Variants in WAC observed in about 807,000 individuals in gnomAD.
WAC encodes the protein WW domain containing adaptor with coiled-coil, also known as WW domain-containing adapter protein with coiled-coil.
A neutral mutation model predicts 79.6 loss-of-function variants in WAC; 11 were observed. The observed-to-expected ratio is 0.14, with a 90% CI of 0.09 to 0.23. The LOEUF (loss-of-function observed/expected upper bound fraction) is 0.23, where lower values mean the gene tolerates loss of function less well. Among genes scored for constraint, WAC ranks in the 10% least tolerant of loss-of-function variants. The probability of loss-of-function intolerance (pLI) is 1.00; values close to 1 mark genes in which losing one functional copy is unlikely to be tolerated. For synonymous variants in WAC, 304 were observed against 276.9 expected (o/e 1.10, Z -0.97); for missense variants, 728 against 773.5 (o/e 0.94, Z 0.70).
In WAC at chr10:28,533,825, C is replaced by G. The variant is rs1000713421; in HGVS notation, c.42-173C>G. ...GGGGCCCGGCTTCGCGGCATTTCGC[C>G]CTCTCCGGCCCTTCCGGAGGCTCCG... On this transcript the variant is annotated intron_variant, in intron 1 of 13. Coordinates refer to ENST00000354911, the MANE Select transcript of WAC (RefSeq NM_016628.5). The G allele has an allele frequency of 6.0e-6, 6 of 998,396 alleles. No individual in the cohort carries two copies. In the East Asian group the frequency reaches 1.8e-4, roughly 29 times the overall value. 61.8% of individuals were successfully genotyped at this position (998,396 alleles called of 1,614,324 possible). A position where few individuals can be genotyped will look rare whatever the true frequency, so the allele number is the denominator to read the frequency against.
intron 3 of WAC, among the ~76,000 whole-genome samples, chr10:28,544,812 C>G (rs1217762566): frequency 6.6e-6 from 1 of 152,010 alleles, no homozygotes; most frequent in South Asian, 2.1e-4. Flanking sequence ...GCCTGTAATG[C>G]CAGCACTTTG....
At chr10:28,612,540 AG>A (rs1237004839) in intron 10 of WAC, among the ~76,000 whole-genome samples, 7 of 152,218 alleles carry the variant, frequency 4.6e-5, no homozygotes, top group Non-Finnish European at 2.9e-5. Flanking sequence ...TGGTAAATGT[AG>A]GGGGAATTTC....
In WAC at chr10:28,535,427, G is replaced by A. The variant is rs541613687; in HGVS notation, c.79-135G>A. ...TGTCTGAGAAACTTTAAAGAGTAAA[G>A]CAGAATTGAAAGTGGAAATTTTAAT... is the stretch of plus-strand genomic sequence containing the variant. On this transcript the variant is annotated intron_variant, in intron 2 of 13. Transcript: ENST00000354911. 2.0e-4 allele frequency: 206 copies of A among 1,038,818 alleles called. No homozygotes were observed. In the Middle Eastern group the frequency reaches 5.7e-3, roughly 29 times the overall value. 64.4% of individuals were successfully genotyped at this position (1,038,818 alleles called of 1,614,324 possible).
chr10:28,590,237 A>G (rs182178059), intron 5 of WAC, among the ~76,000 whole-genome samples: 1 of 150,312 alleles, frequency 6.7e-6, no homozygotes, highest in African/African-American at 2.4e-5. Flanking sequence ...GCTTGAGCCT[A>G]AGAGGCCAAA....
intron 3 of WAC, among the ~76,000 whole-genome samples, chr10:28,565,936 A>C (rs1161876145): frequency 6.6e-6 from 1 of 152,230 alleles, no homozygotes; most frequent in African/African-American, 2.4e-5. Context: ...ATGTTTAAAA[A>C]TATTAGAGTG....
chr10:28,584,819 C>T (rs1839730526), intron 4 of WAC, among the ~76,000 whole-genome samples: 1 of 152,170 alleles, frequency 6.6e-6, no homozygotes, highest in Admixed American at 6.5e-5. Context: ...TGGCCAGGCA[C>T]GGTGGCTCGC....
rs74127254 is a variant in WAC at position 28,544,248 on chromosome 10, C to T, written c.274+8491C>T. On this transcript the variant is annotated intron_variant, in intron 3 of 13. Transcript: ENST00000354911. ...CTTTATTCGCTTGTATTAATATTTG[C>T]GTAGTGGATTAAACAAATACTTGGT... is the stretch of plus-strand genomic sequence containing the variant. Among the ~76,000 whole-genome samples the T allele has an allele frequency of 6.7e-3, 1,014 of 152,212 alleles. 10 individuals are homozygous for T. Among genetic ancestry groups the T allele is most frequent in the African/African-American group, 0.02 (810 of 41,536 alleles).
intron 3 of WAC, among the ~76,000 whole-genome samples, chr10:28,542,907 T>A (rs1837137861): frequency 6.6e-6 from 1 of 152,270 alleles, no homozygotes; most frequent in Non-Finnish European, 1.5e-5. Context: ...GCTTGCCTTT[T>A]GTGGAATATA....
At chr10:28,538,862 TG>T (rs1379936465) in intron 3 of WAC, among the ~76,000 whole-genome samples, 19 of 113,406 alleles carry the variant, frequency 1.7e-4, no homozygotes, top group African/African-American at 7.2e-4. Flanking sequence ...GAGACCCGTC[TG>T]TTTAAAAAAA....
At chr10:28,587,200 A>C (rs1839862713) in intron 4 of WAC, among the ~76,000 whole-genome samples, 1 of 152,252 alleles carries the variant, frequency 6.6e-6, no homozygotes, top group Non-Finnish European at 1.5e-5. Flanking sequence ...ATCAATTGTA[A>C]ACCCATTATA....
chr10:28,589,878 A>G (rs549917595), intron 5 of WAC, 27 bp downstream of exon 5: 1 of 1,496,738 alleles, frequency 6.7e-7, no homozygotes, highest in Non-Finnish European at 9.3e-7. Flanking sequence ...CTAATTAAAC[A>G]TTATTTCTCT....
chr10:28,544,268 C>T (rs1272397739), intron 3 of WAC, among the ~76,000 whole-genome samples: 1 of 152,140 alleles, frequency 6.6e-6, no homozygotes, highest in Non-Finnish European at 1.5e-5. Context: ...TAAACAAATA[C>T]TTGGTGTTGA....
intron 7 of WAC, 57 bp downstream of exon 7, chr10:28,596,098 AGTTTCTTATAT>A: frequency 1.3e-6 from 2 of 1,499,646 alleles, no homozygotes; most frequent in Non-Finnish European, 1.8e-6. Flanking sequence ...GTTTCTTCTA[AGTTTCTTATAT>A]ATTACATTAT....
intron 2 of WAC, 31 bp downstream of exon 2, chr10:28,534,065 G>T (rs759108747): frequency 1.3e-6 from 2 of 1,562,720 alleles, no homozygotes; most frequent in Non-Finnish European, 1.7e-6. Flanking sequence ...GGAGGGATTG[G>T]AAGGGGCCGG....
chr10:28,533,435 T>G lies in WAC; in HGVS notation c.-145T>G. On this transcript the variant is annotated 5_prime_UTR_variant, in exon 1 of 14. Coordinates refer to ENST00000354911, the MANE Select transcript of WAC (RefSeq NM_016628.5). The stretch of plus-strand genomic sequence containing the variant: ...GCCCGGGAGCGCCGGCGCCAGTAAC[T>G]GGGAGCTGATGAGAGTCGCCGAGGG... The G allele has an allele frequency of 4.5e-6, 1 of 224,340 alleles. No homozygotes were observed. The highest frequency in any genetic ancestry group is 7.5e-6 in the Non-Finnish European group (1 of 133,890). 13.9% of individuals were successfully genotyped at this position (224,340 alleles called of 1,614,324 possible).
intron 3 of WAC, among the ~76,000 whole-genome samples, chr10:28,545,700 C>T (rs1326563709): frequency 6.6e-6 from 1 of 152,178 alleles, no homozygotes; most frequent in East Asian, 1.9e-4. Flanking sequence ...TCTAGATTCA[C>T]AGATAGGATT....
chr10:28,617,492 TAAAAC>T (rs1489632800), intron 12 of WAC, among the ~76,000 whole-genome samples, 160 bp from the exon 13 acceptor site: 1 of 152,232 alleles, frequency 6.6e-6, no homozygotes, highest in African/African-American at 2.4e-5. Context: ...GACAGTTTCT[TAAAAC>T]AAATTAATTT....
intron 10 of WAC, among the ~76,000 whole-genome samples, chr10:28,614,320 C>T (rs990319632): frequency 2.0e-5 from 3 of 151,058 alleles, no homozygotes; most frequent in African/African-American, 7.2e-5. Context: ...GTCTCGATCT[C>T]CTGACCTCGT....
At position 28,535,591 on chromosome 10, in the gene WAC, C is replaced by T. The variant is rs1340162711; in HGVS notation, c.108C>T (p.Pro36=). 6.2e-7 allele frequency: 1 copy of T among 1,613,686 alleles called. No homozygotes were observed. Among genetic ancestry groups the T allele is most frequent in the Non-Finnish European group, 8.5e-7 (1 of 1,179,796 alleles). ...TTAAGTATTCATCGAAGAGTCACCC[C>T]AGTAGCGGTGATCACAGACATGAAA... The part of the protein sequence containing the change: ...QALKYSSKSH[P]SSGDHRHEKM... The change falls in exon 3 of 14, where the codon CCC becomes CCT. Residue 36 remains proline, a synonymous_variant. Transcript: ENST00000354911.
Sources: allele counts gnomAD v4.1 joint callset (sites outside exome capture counted in the v4.1 genomes callset), GRCh38; gene constraint gnomAD v4.1.1; transcripts MANE v1.5; gene names NCBI Gene and HGNC (gene_info 2026-07-23, HGNC 2026-07-21).